The following VPS13A variants were observed in gnomAD, a reference collection of about 807,000 sequenced individuals.
The protein encoded by VPS13A is vacuolar protein sorting 13 homolog A, also known as intermembrane lipid transfer protein VPS13A.
In VPS13A, 264 loss-of-function variants were observed where a neutral mutation model predicts 390.9. The ratio of observed to expected loss-of-function variants is 0.68; its 90% confidence interval spans 0.61 to 0.75. VPS13A has a LOEUF of 0.75. Ranked by LOEUF, VPS13A falls within the 30% of genes least tolerant of loss-of-function variation. The probability of loss-of-function intolerance (pLI) is 0.00; values close to 1 mark genes in which losing one functional copy is unlikely to be tolerated. For synonymous variants in VPS13A, 1,231 were observed against 1,227.1 expected, an observed-to-expected ratio of 1.00 and a Z score of -0.07; for missense variants, 3,409 against 3,733.9, an observed-to-expected ratio of 0.91 and a Z score of 2.27.
intron 59 of VPS13A, among the ~76,000 whole-genome samples, chr9:77,362,629 C>A (rs959823292): frequency 3.3e-5 from 5 of 152,250 alleles, no homozygotes; most frequent in Middle Eastern, 3.4e-3. Context: ...ATTTTAGAAT[C>A]AACTTGTCAG....
chr9:77,200,170 G>T lies in VPS13A; in HGVS notation c.144+182G>T, dbSNP rs551794982. ...CCCTGAAAGCACAAATGGACAGTGT[G>T]ATTTTTTTTCTATTTAAAAATACAT... is the stretch of plus-strand genomic sequence containing the variant. On this transcript the variant is annotated intron_variant, in intron 2 of 71. Coordinates refer to ENST00000360280, the MANE Select transcript of VPS13A (RefSeq NM_033305.3). Among the ~76,000 whole-genome samples, 11 of 152,200 alleles carry T rather than the reference G, an allele frequency of 7.2e-5. 1 individual carries two copies. The highest frequency in any genetic ancestry group is 2.6e-4 in the African/African-American group (11 of 41,534).
chr9:77,360,192 G>A lies in VPS13A; in HGVS notation c.8106-344G>A, dbSNP rs112304101. 9.3e-3 allele frequency among the ~76,000 whole-genome samples: 1,413 copies of A among 151,986 alleles called. 18 individuals carry two copies. Among genetic ancestry groups the A allele is most frequent in the East Asian group, 0.022 (112 of 5,170 alleles). On this transcript the variant is annotated intron_variant, in intron 58 of 71. Coordinates refer to ENST00000360280, the MANE Select transcript of VPS13A (RefSeq NM_033305.3). ...AATTTTTAGAAAATTGTTTCAGGCC[G>A]GAAATAGATGTTGGGACTTGCTTTT...
chr9:77,387,178 G>A (rs1465732236), intron 68 of VPS13A, among the ~76,000 whole-genome samples: 2 of 150,266 alleles, frequency 1.3e-5, no homozygotes, highest in Non-Finnish European at 3.0e-5. Flanking sequence ...TTACACCATT[G>A]TTCTCTTGAT....
intron 32 of VPS13A, 30 bp from the exon 33 acceptor site, chr9:77,295,511 AC>A: frequency 6.6e-7 from 1 of 1,525,626 alleles, no homozygotes; most frequent in Non-Finnish European, 8.8e-7. Flanking sequence ...TTTATTAATA[AC>A]CTTAAGAATA....
At chr9:77,297,444 T>C (rs1322542179) in intron 33 of VPS13A, among the ~76,000 whole-genome samples, 2 of 152,102 alleles carry the variant, frequency 1.3e-5, no homozygotes, top group East Asian at 3.8e-4. Flanking sequence ...CTGTTAATTA[T>C]GGTAAAACAA....
At chr9:77,219,026 A>G (rs1285599347) in intron 10 of VPS13A, among the ~76,000 whole-genome samples, 1 of 152,134 alleles carries the variant, frequency 6.6e-6, no homozygotes, top group Non-Finnish European at 1.5e-5. Flanking sequence ...AAAATAACTG[A>G]TGGTGGAACT....
At chr9:77,260,854 CAT>C (rs772930923) in intron 23 of VPS13A, among the ~76,000 whole-genome samples, 59 of 151,726 alleles carry the variant, frequency 3.9e-4, no homozygotes, top group Admixed American at 6.6e-4. Flanking sequence ...CAAGAACATG[CAT>C]GTGTGTGTGT....
At chr9:77,201,616 A>G (rs1825335620) in intron 3 of VPS13A, among the ~76,000 whole-genome samples, 1 of 152,180 alleles carries the variant, frequency 6.6e-6, no homozygotes, top group South Asian at 2.1e-4. Flanking sequence ...ATCCTAATAC[A>G]TTACATATCT....
At chr9:77,357,284 G>A (rs565020389) in intron 55 of VPS13A, among the ~76,000 whole-genome samples, 9 of 124,568 alleles carry the variant, frequency 7.2e-5, no homozygotes, top group African/African-American at 2.6e-4. Flanking sequence ...GCCCCACTGC[G>A]CTCCAGCCTG....
At chr9:77,385,039 A>G in intron 68 of VPS13A, 4 of 1,019,922 alleles carry the variant, frequency 3.9e-6, no homozygotes, top group Non-Finnish European at 4.7e-6. Flanking sequence ...CCTTTTTTTA[A>G]TGGTCTCTGT....
At chr9:77,236,343 A>T (rs7037935) in intron 17 of VPS13A, among the ~76,000 whole-genome samples, 115,840 of 152,156 alleles carry the variant, frequency 0.76, 45,278 homozygotes, top group African/African-American at 0.94. Flanking sequence ...ATTTAACATG[A>T]TGGCTTAGTG....
At chr9:77,194,363 G>T (rs539216919) in intron 1 of VPS13A, among the ~76,000 whole-genome samples, 86 of 151,454 alleles carry the variant, frequency 5.7e-4, no homozygotes, top group African/African-American at 1.9e-3. Flanking sequence ...ATGGGGGTTG[G>T]GGGGGGCGCT....
intron 29 of VPS13A, among the ~76,000 whole-genome samples, chr9:77,282,556 C>G (rs927417511): frequency 6.6e-6 from 1 of 151,934 alleles, no homozygotes; most frequent in Non-Finnish European, 1.5e-5. Flanking sequence ...TCTTCCACCT[C>G]CCAGTAGGAG....
chr9:77,207,252 T>TATACATAA lies in VPS13A; in HGVS notation c.385+1174_385+1175insTACATAAA. On this transcript the variant is annotated intron_variant, in intron 5 of 71. Transcript: ENST00000360280. ...ATATATATATATATATATATATATA[T>TATACATAA]AAAACGTGTTATATGTAACATAACA... 3.5e-3 allele frequency among the ~76,000 whole-genome samples: 308 copies of TATACATAA among 87,238 alleles called. 7 individuals carry two copies. The highest frequency in any genetic ancestry group is 0.012 in the African/African-American group (295 of 24,668). The allele number at this position is 87,238 out of a possible 152,430, so 57.2% of individuals were successfully genotyped here. A position where few individuals can be genotyped will look rare whatever the true frequency, so the allele number is the denominator to read the frequency against.
rs1396642071 is a variant in VPS13A, at chr9:77,260,102, A to C, written c.2305A>C (p.Lys769Gln). Reference protein sequence around the residue: ...VRMPKFKIYGKLPLISLRISD... With the variant: ...VRMPKFKIYGQLPLISLRISD... ...TCAAAACAGATTCAAGATTTATGGA[A>C]AGTTACCTCTTATTTCTTTACGAAT... Residue 769 changes from lysine to glutamine, a missense_variant, in exon 23 of 72, where the codon AAG becomes CAG. This residue lies in a region of VPS13A where 2,717 missense variants were observed against 2,917.4 expected (regional missense o/e 0.93). Coordinates refer to ENST00000360280, the MANE Select transcript of VPS13A (RefSeq NM_033305.3). 2 of 1,523,928 alleles carry C rather than the reference A, an allele frequency of 1.3e-6. No homozygotes were observed. Among genetic ancestry groups the C allele is most frequent in the Non-Finnish European group, 1.8e-6 (2 of 1,101,202 alleles). 94.4% of individuals were successfully genotyped at this position (1,523,928 alleles called of 1,614,324 possible).
intron 33 of VPS13A, among the ~76,000 whole-genome samples, chr9:77,301,683 A>G (rs755896684): frequency 1.3e-5 from 2 of 152,162 alleles, no homozygotes; most frequent in Admixed American, 6.5e-5. Flanking sequence ...CTATGGTCAC[A>G]TTGTTACTTG....
rs1423829379 is a variant in VPS13A at position 77,370,431 on chromosome 9, T to G, written c.8760T>G (p.Ala2920=). The change falls in exon 65 of 72, where the codon GCT becomes GCG. Residue 2920 remains alanine (A), a synonymous_variant. Transcript: ENST00000360280. ...VGGAVGGLAG[A]ASKITGAMAK... ...TTCTGTCAGGTGGATTGGCTGGTGC[T>G]GCCTCCAAAATCACCGGTGCTATGG... 1 of 1,614,174 alleles carries G rather than the reference T, an allele frequency of 6.2e-7. No homozygotes were observed. The highest frequency in any genetic ancestry group is 1.1e-5 in the South Asian group (1 of 91,080).
intron 34 of VPS13A, among the ~76,000 whole-genome samples, chr9:77,304,688 T>C (rs752671696): frequency 6.6e-6 from 1 of 152,192 alleles, no homozygotes; most frequent in Non-Finnish European, 1.5e-5. Context: ...TACTTTCTTA[T>C]TGGTTGACAT....
At position 77,295,793 on chromosome 9, in the gene VPS13A, C is replaced by T. The variant is rs760846915; in HGVS notation, c.3759C>T (p.Pro1253=). 1 of 1,613,936 alleles carries T rather than the reference C, an allele frequency of 6.2e-7. No individual in the cohort carries two copies. ...FHMITESQSS[P]PPVIDLITIK... is the part of the protein sequence containing the mutation. ...TGATAACAGAGAGCCAGAGCTCTCC[C>T]CCACCTGTTATTGATTTGATAACAA... The change falls in exon 33 of 72, where the codon CCC becomes CCT. Residue 1253 remains proline, a synonymous_variant. Coordinates refer to ENST00000360280, the MANE Select transcript of VPS13A (RefSeq NM_033305.3).
Sources: allele counts gnomAD v4.1 joint callset (sites outside exome capture counted in the v4.1 genomes callset), GRCh38; gene constraint gnomAD v4.1.1; regional missense constraint gnomAD v4.1.1; transcripts MANE v1.5; gene names NCBI Gene and HGNC (gene_info 2026-07-23, HGNC 2026-07-21).